Variants in DLGAP2 observed in about 807,000 individuals in gnomAD.
DLGAP2 encodes the protein disks large-associated protein 2.
DLGAP2 carries 26 observed loss-of-function variants against 100.3 expected under a neutral mutation model. That is an observed-to-expected ratio of 0.26 (90% CI 0.19 to 0.36). The LOEUF (loss-of-function observed/expected upper bound fraction) is 0.36. Among genes scored for constraint, DLGAP2 ranks in the 10% least tolerant of loss-of-function variants. The probability of loss-of-function intolerance (pLI) is 1.00; values close to 1 mark genes in which losing one functional copy is unlikely to be tolerated. For missense variants in DLGAP2, 1,858 were observed against 1,453.2 expected, an observed-to-expected ratio of 1.28 and a Z score of -4.53; for synonymous variants, 886 against 630.1, an observed-to-expected ratio of 1.41 and a Z score of -6.08.
intron 6 of DLGAP2, among the ~76,000 whole-genome samples, chr8:1,616,907 C>G (rs896832155): frequency 6.6e-6 from 1 of 152,100 alleles, no homozygotes; most frequent in African/African-American, 2.4e-5. Context: ...CCAGGAGGCC[C>G]CAGTATGTGT....
At chr8:1,188,634 C>T (rs13257422) in intron 2 of DLGAP2, among the ~76,000 whole-genome samples, 57,502 of 151,884 alleles carry the variant, frequency 0.38, 12,953 homozygotes, top group Non-Finnish European at 0.5. Flanking sequence ...TCTCACAGCT[C>T]CTCCCAATAG....
At chr8:872,700 T>C (rs1423020721) in intron 1 of DLGAP2, among the ~76,000 whole-genome samples, 1 of 152,192 alleles carries the variant, frequency 6.6e-6, no homozygotes, top group Admixed American at 6.5e-5. Flanking sequence ...CCATTCAAAG[T>C]GTACAATCCG....
Position 950,788 on chromosome 8 carries a change from AT to A in DLGAP2, c.73+42829del. Among the ~76,000 whole-genome samples, 5 of 151,008 alleles carry A rather than the reference AT, an allele frequency of 3.3e-5. No individual in the cohort carries two copies. In the East Asian group the frequency reaches 5.9e-4, roughly 18 times the overall value. ...AGGCATGTGCCACCGTGCCCGGCTA[AT>A]TTTTTTGTATTTTTTTAGTAGAGAT... On this transcript the variant is annotated intron_variant, in intron 2 of 14. Coordinates refer to ENST00000637795, the MANE Select transcript of DLGAP2 (RefSeq NM_001346810.2).
intron 2 of DLGAP2, among the ~76,000 whole-genome samples, chr8:998,683 T>C (rs1028429090): frequency 8.5e-5 from 13 of 152,210 alleles, no homozygotes; most frequent in African/African-American, 2.7e-4. Context: ...GAGGGTTTGC[T>C]TCACGATTTC....
At chr8:1,105,496 G>T (rs566104878) in intron 2 of DLGAP2, among the ~76,000 whole-genome samples, 11 of 152,278 alleles carry the variant, frequency 7.2e-5, no homozygotes, top group Admixed American at 2.0e-4. Flanking sequence ...ATGCAGGGAG[G>T]GGGTAGCCAT....
At chr8:1,498,774 G>A (rs1799621794) in intron 3 of DLGAP2, among the ~76,000 whole-genome samples, 1 of 152,226 alleles carries the variant, frequency 6.6e-6, no homozygotes, top group Admixed American at 6.5e-5. Flanking sequence ...TGAAGCCACA[G>A]GAAGAGAACC....
At chr8:1,095,650 G>T (rs1016126468) in intron 2 of DLGAP2, among the ~76,000 whole-genome samples, 2 of 152,202 alleles carry the variant, frequency 1.3e-5, no homozygotes, top group Non-Finnish European at 2.9e-5. Flanking sequence ...AGTGAGGACT[G>T]GCTGTAATTA....
intron 4 of DLGAP2, among the ~76,000 whole-genome samples, chr8:1,545,846 A>C (rs1409147611): frequency 6.6e-6 from 1 of 152,246 alleles, no homozygotes; most frequent in East Asian, 1.9e-4. Context: ...CCACATTCAT[A>C]ACATAGCTTC....
chr8:1,294,831 T>G (rs1303819536), intron 3 of DLGAP2, among the ~76,000 whole-genome samples: 1 of 151,182 alleles, frequency 6.6e-6, no homozygotes, highest in Non-Finnish European at 1.5e-5. Context: ...ATTGTGCTGT[T>G]GCATTCCAGC....
chr8:1,485,366 A>C (rs770376468), intron 3 of DLGAP2, among the ~76,000 whole-genome samples: 45 of 152,248 alleles, frequency 3.0e-4, no homozygotes, highest in Non-Finnish European at 5.9e-5. Flanking sequence ...AAATGCAGAA[A>C]ATGTTTTTAA....
At chr8:1,383,868 G>T (rs192513271) in intron 3 of DLGAP2, among the ~76,000 whole-genome samples, 1 of 152,336 alleles carries the variant, frequency 6.6e-6, no homozygotes, top group East Asian at 1.9e-4. Flanking sequence ...CTTCATGGGT[G>T]AGAGAGCGGC....
At chr8:883,204 C>T (rs1221986724) in intron 1 of DLGAP2, 1 of 152,278 alleles carries the variant, frequency 6.6e-6, no homozygotes, top group African/African-American at 2.4e-5. Flanking sequence ...CACCACTGGG[C>T]AGACCTTGCT....
intron 2 of DLGAP2, among the ~76,000 whole-genome samples, chr8:1,157,020 G>A (rs1344526107): frequency 6.6e-6 from 1 of 151,918 alleles, no homozygotes; most frequent in East Asian, 1.9e-4. Flanking sequence ...GGCAGGCCAG[G>A]GCCCCAGGCT....
chr8:1,286,641 C>T (rs1213699654), intron 3 of DLGAP2, among the ~76,000 whole-genome samples: 2 of 152,166 alleles, frequency 1.3e-5, no homozygotes, highest in East Asian at 1.9e-4. Flanking sequence ...ACTGTGTATC[C>T]GTGCTGGGCT....
chr8:783,813 G>C (rs1312260576), intron 1 of DLGAP2, among the ~76,000 whole-genome samples: 1 of 152,100 alleles, frequency 6.6e-6, no homozygotes, highest in East Asian at 1.9e-4. Flanking sequence ...GAGAGTTTGG[G>C]GTATCTGTCT....
intron 2 of DLGAP2, among the ~76,000 whole-genome samples, chr8:1,072,277 C>T (rs1803457205): frequency 6.6e-6 from 1 of 152,104 alleles, no homozygotes; most frequent in Non-Finnish European, 1.5e-5. Context: ...CCACTTCCAT[C>T]GGGGATGGTA....
Position 1,356,599 on chromosome 8 carries a change from A to G in DLGAP2, c.106+97716A>G, listed in dbSNP as rs139211128. On this transcript the variant is annotated intron_variant, in intron 3 of 14. Transcript: ENST00000637795. Reference sequence around the variant, plus strand: ...GCCCCCCAGGCAGAACATGACGGAGATGCGCAGGAATGGCAAAGTACGAGG... The same window carrying G: ...GCCCCCCAGGCAGAACATGACGGAGGTGCGCAGGAATGGCAAAGTACGAGG... Among the ~76,000 whole-genome samples the G allele has an allele frequency of 2.5e-3, 376 of 152,244 alleles. 2 individuals carry two copies. Among genetic ancestry groups the G allele is most frequent in the African/African-American group, 8.4e-3 (351 of 41,556 alleles).
At chr8:1,187,253 C>T (rs1035504617) in intron 2 of DLGAP2, among the ~76,000 whole-genome samples, 2 of 152,030 alleles carry the variant, frequency 1.3e-5, no homozygotes, top group South Asian at 2.1e-4. Flanking sequence ...CATGGAATCT[C>T]ACACACACGG....
chr8:1,307,944 C>T (rs905065971), intron 3 of DLGAP2, among the ~76,000 whole-genome samples: 2 of 149,030 alleles, frequency 1.3e-5, no homozygotes, highest in Non-Finnish European at 3.0e-5. Flanking sequence ...GAGACAATGG[C>T]ACAATGGTGT....
Sources: gnomAD v4.1 joint callset for allele counts (sites outside exome capture counted in the v4.1 genomes callset) on GRCh38, gnomAD v4.1.1 for gene constraint, MANE v1.5 for transcripts, NCBI Gene and HGNC (gene_info 2026-07-23, HGNC 2026-07-21) for gene names.